DSE: variants seen among roughly 807,000 people sequenced by gnomAD.
DSE encodes dermatan-sulfate epimerase.
A neutral mutation model predicts 84.4 loss-of-function variants in DSE; 36 were observed. The observed-to-expected ratio is 0.43, with a 90% confidence interval of 0.33 to 0.56. The LOEUF (loss-of-function observed/expected upper bound fraction) is 0.56, where lower values mean the gene tolerates loss of function less well. DSE is among the 20% of genes least tolerant of loss of function. The pLI, the probability that DSE is intolerant of heterozygous loss-of-function variation, is 0.06. For missense variants in DSE, 862 were observed against 1,169.6 expected, an observed-to-expected ratio of 0.74 and a Z score of 3.84; for synonymous variants, 410 against 430.1, an observed-to-expected ratio of 0.95 and a Z score of 0.58.
At chr6:116,290,795 G>A (rs1026625113) in intron 2 of DSE, among the ~76,000 whole-genome samples, 4 of 152,140 alleles carry the variant, frequency 2.6e-5, no homozygotes, top group Non-Finnish European at 5.9e-5. Flanking sequence ...TCCAAAAGCA[G>A]AAAGGAATCC....
intron 3 of DSE, among the ~76,000 whole-genome samples, chr6:116,428,346 T>C (rs539001246): frequency 6.6e-6 from 1 of 152,368 alleles, no homozygotes; most frequent in East Asian, 1.9e-4. Flanking sequence ...GCCAAATTTC[T>C]GCTTCAGGTC....
intron 1 of DSE, chr6:116,257,233 T>A (rs1055024985): frequency 1.3e-5 from 2 of 152,200 alleles, no homozygotes; most frequent in Middle Eastern, 3.2e-3. Context: ...TGAGGTGATA[T>A]TATGACCTCC....
At chr6:116,336,619 G>A (rs1583040267) in intron 2 of DSE, among the ~76,000 whole-genome samples, 2 of 152,112 alleles carry the variant, frequency 1.3e-5, no homozygotes, top group African/African-American at 4.8e-5. Context: ...GCCAGGCATG[G>A]TAGCGCATGC....
intron 1 of DSE, among the ~76,000 whole-genome samples, chr6:116,393,458 A>G (rs1486019004): frequency 5.3e-5 from 8 of 152,216 alleles, no homozygotes; most frequent in African/African-American, 1.4e-4. Context: ...TTCAAATAAA[A>G]TATTTTATCA....
intron 1 of DSE, among the ~76,000 whole-genome samples, chr6:116,373,508 C>G (rs1344259700): frequency 7.9e-5 from 12 of 152,196 alleles, no homozygotes; most frequent in African/African-American, 2.7e-4. Context: ...GGTGAGACAT[C>G]AACTAGGTTT....
Position 116,437,549 on chromosome 6 carries a change from G to A in DSE, c.*204G>A. The A allele has an allele frequency of 1.9e-6, 1 of 531,952 alleles. No homozygotes were observed. The highest frequency in any genetic ancestry group is 3.2e-6 in the Non-Finnish European group (1 of 310,946). 33.0% of individuals were successfully genotyped at this position (531,952 alleles called of 1,614,324 possible). The stretch of plus-strand genomic sequence containing the variant: ...ATCAAAGCAATAGAAATAGCTTGGT[G>A]GTCCTATGGTGTTTTTGGAAGTATT... On this transcript the variant is annotated 3_prime_UTR_variant, in exon 6 of 6. Coordinates refer to ENST00000644252, the MANE Select transcript of DSE (RefSeq NM_013352.4).
At chr6:116,278,741 G>A (rs1773289048) in intron 2 of DSE, 1 of 1,614,126 alleles carries the variant, frequency 6.2e-7, no homozygotes, top group Admixed American at 1.7e-5. Context: ...ATGAAGGACT[G>A]GGGTTCATGC....
intron 2 of DSE, among the ~76,000 whole-genome samples, chr6:116,340,557 G>T (rs189150276): frequency 1.4e-3 from 216 of 152,034 alleles, no homozygotes; most frequent in Middle Eastern, 0.01. Context: ...TGATACATAG[G>T]TATACATGTG....
At chr6:116,258,847 A>C in exon 2 of DSE, 3 of 1,608,290 alleles carry the variant, frequency 1.9e-6, no homozygotes, top group Non-Finnish European at 2.6e-6. Context: ...GACGATGCAC[A>C]CAGTCATGAG....
intron 2 of DSE, among the ~76,000 whole-genome samples, chr6:116,299,789 T>C (rs1774927208): frequency 6.6e-6 from 1 of 151,980 alleles, no homozygotes; most frequent in Non-Finnish European, 1.5e-5. Context: ...TTAACAGTTA[T>C]TAATGTTGAA....
chr6:116,278,480 A>G (rs1274172473), intron 2 of DSE: 1 of 1,612,596 alleles, frequency 6.2e-7, no homozygotes, highest in Non-Finnish European at 8.5e-7. Flanking sequence ...AGAAGGTGGT[A>G]GGAGACCTTG....
chr6:116,423,391 C>T (rs1290117536), intron 2 of DSE, among the ~76,000 whole-genome samples: 2 of 152,070 alleles, frequency 1.3e-5, no homozygotes, highest in Admixed American at 6.5e-5. Context: ...TTAATTTCTT[C>T]CTATATAATA....
chr6:116,309,455 A>G (rs182471419), intron 2 of DSE, among the ~76,000 whole-genome samples: 11 of 152,302 alleles, frequency 7.2e-5, no homozygotes, highest in Non-Finnish European at 1.5e-4. Context: ...TTGTTCATAT[A>G]TGGATGAGGA....
intron 2 of DSE, among the ~76,000 whole-genome samples, chr6:116,312,326 A>G (rs139098092): frequency 0.014 from 2,159 of 152,388 alleles, 23 homozygotes; most frequent in Middle Eastern, 0.041. Flanking sequence ...CAGTTAAATA[A>G]TTCAGACACA....
intron 2 of DSE, among the ~76,000 whole-genome samples, chr6:116,321,783 TAAAC>T (rs766362177): frequency 7.2e-5 from 11 of 152,058 alleles, no homozygotes; most frequent in South Asian, 2.1e-4. Flanking sequence ...TCAAAATAAA[TAAAC>T]AAACAAATAT....
chr6:116,283,845 G>C (rs1773699906), intron 2 of DSE, among the ~76,000 whole-genome samples: 1 of 152,140 alleles, frequency 6.6e-6, no homozygotes, highest in Non-Finnish European at 1.5e-5. Flanking sequence ...CGCCCGGCTA[G>C]ATTTGGGTAG....
Position 116,344,429 on chromosome 6 carries a change from G to A in DSE, c.-53-54769G>A, listed in dbSNP as rs149701249. 4.4e-3 allele frequency among the ~76,000 whole-genome samples: 675 copies of A among 152,284 alleles called. 4 individuals carry two copies. Among genetic ancestry groups the A allele is most frequent in the African/African-American group, 0.015 (629 of 41,554 alleles). ...AAGAGAAGCCCATCAGACTAACAGC[G>A]GATCTCTCGGCAGAAACTCTACAAG... On this transcript the variant is annotated intron_variant, in intron 2 of 3. Coordinates refer to the DSE transcript ENST00000430252.
intron 2 of DSE, among the ~76,000 whole-genome samples, chr6:116,313,489 G>A (rs1008919772): frequency 1.3e-5 from 2 of 152,162 alleles, no homozygotes; most frequent in Non-Finnish European, 2.9e-5. Flanking sequence ...TGTTTTTGTT[G>A]ATTTAGTAAT....
rs1363149885 is a variant in DSE at position 116,439,513 on chromosome 6, A to G, written c.*2168A>G. The G allele has an allele frequency of 3.4e-5, 5 of 147,466 alleles. No homozygotes were observed. The highest frequency in any genetic ancestry group is 9.9e-5 in the African/African-American group (4 of 40,566). The allele number at this position is 147,466 out of a possible 1,614,324, so 9.1% of individuals were successfully genotyped here. Reference sequence around the variant, plus strand: ...AGGCAGTGACTTAAGTGGTTAAGTGAAAAAAAAAAATGCTGAAACAAATCA... The same window carrying G: ...AGGCAGTGACTTAAGTGGTTAAGTGGAAAAAAAAAATGCTGAAACAAATCA... On this transcript the variant is annotated 3_prime_UTR_variant, in exon 6 of 6. Transcript: ENST00000644252.
Sources: gnomAD v4.1 joint callset for allele counts (sites outside exome capture counted in the v4.1 genomes callset) on GRCh38, gnomAD v4.1.1 for gene constraint, MANE v1.5 for transcripts, NCBI Gene and HGNC (gene_info 2026-07-23, HGNC 2026-07-21) for gene names.